ADGRL3: variants seen among roughly 807,000 people sequenced by gnomAD.
ADGRL3 encodes the protein calcium-independent alpha-latrotoxin receptor 3.
In ADGRL3, 62 loss-of-function variants were observed where a neutral mutation model predicts 153.5. The observed-to-expected ratio is 0.40, with a 90% CI of 0.33 to 0.50. ADGRL3 has a LOEUF of 0.50. ADGRL3 is among the 20% of genes least tolerant of loss of function. The pLI is 0.47. For synonymous variants in ADGRL3, 710 were observed against 672.5 expected, an observed-to-expected ratio of 1.06 and a Z score of -0.86; for missense variants, 1,641 against 1,859.4, an observed-to-expected ratio of 0.88 and a Z score of 2.16.
At chr4:61,465,985 G>A (rs2097878327) in intron 2 of ADGRL3, among the ~76,000 whole-genome samples, 1 of 151,580 alleles carries the variant, frequency 6.6e-6, no homozygotes, top group African/African-American at 2.4e-5. Context: ...AGCTAGACGT[G>A]GCAGCATGTA....
At chr4:62,029,004 CTG>C in intron 22 of ADGRL3, 123 bp downstream of exon 22, 4 of 795,626 alleles carry the variant, frequency 5.0e-6, no homozygotes, top group Non-Finnish European at 6.0e-6. Context: ...GAAGAGCAAA[CTG>C]TGCAGGAAAA....
intron 1 of ADGRL3, among the ~76,000 whole-genome samples, chr4:61,267,305 C>G (rs2092908332): frequency 6.6e-6 from 1 of 151,708 alleles, no homozygotes; most frequent in Non-Finnish European, 1.5e-5. Context: ...GAATAAAAGT[C>G]TCTGCTCCCT....
At chr4:61,680,426 G>A (rs1455767415) in intron 6 of ADGRL3, among the ~76,000 whole-genome samples, 2 of 149,800 alleles carry the variant, frequency 1.3e-5, no homozygotes, top group African/African-American at 2.4e-5. Context: ...GTGTGTGTGT[G>A]TGTGTGTGTG....
intron 2 of ADGRL3, among the ~76,000 whole-genome samples, chr4:61,429,201 A>G (rs1370238932): frequency 6.6e-6 from 1 of 152,184 alleles, no homozygotes. Flanking sequence ...GAAATTAGAG[A>G]CAGTGATAGG....
intron 25 of ADGRL3, chr4:62,063,421 A>C (rs574040433): frequency 1.7e-6 from 1 of 577,288 alleles, no homozygotes; most frequent in Non-Finnish European, 3.1e-6. Context: ...TTGTCATTCT[A>C]AATGTTTCCT....
intron 8 of ADGRL3, among the ~76,000 whole-genome samples, chr4:61,748,672 A>G (rs930131568): frequency 3.4e-4 from 52 of 152,158 alleles, no homozygotes; most frequent in Non-Finnish European, 7.1e-4. Context: ...GAAAGCTGAA[A>G]CTGGATCACT....
intron 6 of ADGRL3, 62 bp from the exon 7 acceptor site, chr4:61,730,560 A>G (rs1299282078): frequency 7.3e-6 from 3 of 413,056 alleles, no homozygotes; most frequent in Non-Finnish European, 1.4e-5. Context: ...TGCTTGGCCA[A>G]TACCGTACCA....
At chr4:61,243,124 C>T (rs1755666948) in intron 1 of ADGRL3, among the ~76,000 whole-genome samples, 1 of 152,036 alleles carries the variant, frequency 6.6e-6, no homozygotes, top group African/African-American at 2.4e-5. Context: ...AGTAAGATTT[C>T]TGTTAGACTG....
At chr4:61,382,201 G>T (rs2096677251) in intron 1 of ADGRL3, among the ~76,000 whole-genome samples, 1 of 151,612 alleles carries the variant, frequency 6.6e-6, no homozygotes, top group Admixed American at 6.6e-5. Flanking sequence ...CATGTATGTA[G>T]TTACTTAACC....
intron 8 of ADGRL3, among the ~76,000 whole-genome samples, chr4:61,797,275 A>G (rs1309700310): frequency 1.3e-5 from 2 of 152,200 alleles, no homozygotes; most frequent in African/African-American, 4.8e-5. Flanking sequence ...TTTATTATGT[A>G]TGAAGACTAA....
Position 62,015,767 on chromosome 4 carries a change from T to A in ADGRL3, c.3396-13088T>A, listed in dbSNP as rs1239363846. Among the ~76,000 whole-genome samples the A allele has an allele frequency of 2.0e-5, 3 of 152,236 alleles. No homozygotes were observed. The East Asian group carries it at 5.8e-4, about 29-fold the overall frequency. On this transcript the variant is annotated intron_variant, in intron 21 of 26. Transcript: ENST00000683033. ...CTTTAATGGTTTTCATTTTTTCCACTTTTTTCTGTTAGCTTCCCTTTCCTT... is the reference window on the plus strand; with the variant it reads ...CTTTAATGGTTTTCATTTTTTCCACATTTTTCTGTTAGCTTCCCTTTCCTT...
chr4:61,736,440 G>A (rs2096515021), intron 8 of ADGRL3, among the ~76,000 whole-genome samples: 1 of 152,180 alleles, frequency 6.6e-6, no homozygotes, highest in South Asian at 2.1e-4. Flanking sequence ...TATCACTTGA[G>A]GTCAGGAGTT....
At chr4:61,851,100 T>A (rs115051379) in intron 9 of ADGRL3, among the ~76,000 whole-genome samples, 3 of 152,188 alleles carry the variant, frequency 2.0e-5, no homozygotes, top group Non-Finnish European at 2.9e-5. Flanking sequence ...AATTTTATTT[T>A]TCTATCTACT....
At chr4:61,888,091 A>C (rs2098549678) in intron 9 of ADGRL3, among the ~76,000 whole-genome samples, 1 of 152,192 alleles carries the variant, frequency 6.6e-6, no homozygotes, top group South Asian at 2.1e-4. Flanking sequence ...TTTGGGAAGC[A>C]AGATTATGAG....
chr4:61,327,642 G>A (rs2095492444), intron 1 of ADGRL3, among the ~76,000 whole-genome samples: 1 of 151,870 alleles, frequency 6.6e-6, no homozygotes, highest in South Asian at 2.1e-4. Context: ...GATTGGAGTA[G>A]ATCACTAAGG....
chr4:61,233,166 A>G (rs994952426), intron 1 of ADGRL3, among the ~76,000 whole-genome samples: 1 of 152,210 alleles, frequency 6.6e-6, no homozygotes, highest in Admixed American at 6.5e-5. Flanking sequence ...TAATAACATC[A>G]TCTAATATCA....
At chr4:61,738,878 G>A (rs1015829397) in intron 8 of ADGRL3, among the ~76,000 whole-genome samples, 5 of 152,006 alleles carry the variant, frequency 3.3e-5, no homozygotes, top group Admixed American at 3.3e-4. Flanking sequence ...GAGACTCTAA[G>A]TGAAGTTTCT....
At chr4:62,026,697 A>T (rs757457269) in intron 21 of ADGRL3, among the ~76,000 whole-genome samples, 1 of 152,092 alleles carries the variant, frequency 6.6e-6, no homozygotes, top group Admixed American at 6.6e-5. Flanking sequence ...AAAGTAGCAG[A>T]TATGGAGGAT....
intron 9 of ADGRL3, among the ~76,000 whole-genome samples, chr4:61,841,227 G>T (rs12641643): frequency 0.36 from 55,232 of 151,970 alleles, 12,611 homozygotes; most frequent in East Asian, 0.75. Flanking sequence ...TTAAACATTT[G>T]AAAATCCAAG....
Sources: gnomAD v4.1 joint callset for allele counts (sites outside exome capture counted in the v4.1 genomes callset) on GRCh38, gnomAD v4.1.1 for gene constraint, MANE v1.5 for transcripts, NCBI Gene and HGNC (gene_info 2026-07-23, HGNC 2026-07-21) for gene names.